COL5A2: variants seen among roughly 807,000 people sequenced by gnomAD.
The protein encoded by COL5A2 is collagen type V alpha 2 chain, also known as collagen alpha-2(V) chain.
In COL5A2, 23 loss-of-function variants were observed where a neutral mutation model predicts 208.2. The ratio of observed to expected loss-of-function variants is 0.11; its 90% CI spans 0.08 to 0.16. The LOEUF is 0.16. COL5A2 is among the 10% of genes least tolerant of loss of function. The pLI is 1.00. For synonymous variants in COL5A2, 625 were observed against 628.5 expected (o/e 0.99, Z 0.08); for missense variants, 1,590 against 1,956.4 (o/e 0.81, Z 3.53).
the COL5A2 span, among the ~76,000 whole-genome samples, chr2:189,438,364 T>C: frequency 1.3e-5 from 2 of 152,346 alleles, no homozygotes; most frequent in East Asian, 3.9e-4. Flanking sequence ...TTTGCTGGTA[T>C]TTATCCTAGA....
upstream of COL5A2, among the ~76,000 whole-genome samples, chr2:189,229,267 T>G (rs1689452614): frequency 6.6e-6 from 1 of 151,504 alleles, no homozygotes; most frequent in Admixed American, 6.6e-5. Flanking sequence ...TACCCACTCC[T>G]GCCACTTTTA....
At chr2:189,223,999 T>C (rs1363448574) in intron 1 of COL5A2, among the ~76,000 whole-genome samples, 2 of 152,012 alleles carry the variant, frequency 1.3e-5, no homozygotes, top group Non-Finnish European at 2.9e-5. Context: ...TTGTGATACC[T>C]CTAAGAAAAA....
At chr2:189,106,829 T>C (rs1486221224) in intron 2 of COL5A2, among the ~76,000 whole-genome samples, 1 of 151,474 alleles carries the variant, frequency 6.6e-6, no homozygotes, top group East Asian at 1.9e-4. Context: ...ACTTTAATTA[T>C]GAAAGAATTC....
chr2:189,249,500 A>G, the COL5A2 span, among the ~76,000 whole-genome samples: 1 of 152,256 alleles, frequency 6.6e-6, no homozygotes, highest in Admixed American at 6.5e-5. Flanking sequence ...ATTGAAGTAC[A>G]ATAAATTGTC....
the COL5A2 span, among the ~76,000 whole-genome samples, chr2:189,271,644 C>T: frequency 6.6e-6 from 1 of 152,194 alleles, no homozygotes; most frequent in South Asian, 2.1e-4. Flanking sequence ...GCGACAAAAG[C>T]CAAAGTTGAT....
At chr2:189,062,741 C>T in intron 29 of COL5A2, 124 bp downstream of exon 29, 1 of 1,061,364 alleles carries the variant, frequency 9.4e-7, no homozygotes, top group Non-Finnish European at 1.4e-6. Flanking sequence ...AGAAATTCTT[C>T]ATTCCCATAC....
At chr2:189,061,457 T>C in intron 30 of COL5A2, 105 bp downstream of exon 30, 9 of 899,222 alleles carry the variant, frequency 1.0e-5, no homozygotes, top group Admixed American at 2.0e-5. Context: ...GGATGACTTT[T>C]TGAAAATTGT....
At chr2:189,311,560 G>A in the COL5A2 span, 29 of 1,260,686 alleles carry the variant, frequency 2.3e-5, no homozygotes, top group African/African-American at 1.3e-4. Flanking sequence ...TCTGCTGGGC[G>A]TAGTGGGCCT....
the COL5A2 span, among the ~76,000 whole-genome samples, chr2:189,399,435 G>A: frequency 2.0e-5 from 3 of 151,910 alleles, no homozygotes; most frequent in South Asian, 4.2e-4. Flanking sequence ...ATTTTTAGTA[G>A]AGACAGGAGC....
At chr2:189,304,114 T>C in the COL5A2 span, among the ~76,000 whole-genome samples, 2 of 152,196 alleles carry the variant, frequency 1.3e-5, no homozygotes, top group African/African-American at 2.4e-5. Context: ...TTTTTTCCCA[T>C]TGCCTTTCTA....
chr2:189,348,096 T>C, the COL5A2 span, among the ~76,000 whole-genome samples: 2 of 152,180 alleles, frequency 1.3e-5, no homozygotes, highest in East Asian at 3.8e-4. Context: ...GGGAAATTTT[T>C]AGAGCAACCC....
chr2:189,276,303 A>C, the COL5A2 span, among the ~76,000 whole-genome samples: 1 of 152,284 alleles, frequency 6.6e-6, no homozygotes, highest in East Asian at 1.9e-4. Flanking sequence ...AGAGTTGAAG[A>C]TGATTGTGTT....
At chr2:189,422,424 T>C in the COL5A2 span, among the ~76,000 whole-genome samples, 36 of 152,082 alleles carry the variant, frequency 2.4e-4, no homozygotes, top group East Asian at 5.2e-3. Context: ...AACAGCAGAA[T>C]TGATCAAGCA....
At chr2:189,150,504 A>C (rs1419213294) in intron 1 of COL5A2, among the ~76,000 whole-genome samples, 1 of 152,170 alleles carries the variant, frequency 6.6e-6, no homozygotes, top group Non-Finnish European at 1.5e-5. Flanking sequence ...TTTTAAAAAA[A>C]TTCTCAAAAA....
the COL5A2 span, among the ~76,000 whole-genome samples, chr2:189,431,812 G>A: frequency 1.3e-5 from 2 of 152,078 alleles, no homozygotes; most frequent in Non-Finnish European, 2.9e-5. Context: ...ACCCAGCAAG[G>A]CAGGCCAACA....
At chr2:189,311,533 C>T in the COL5A2 span, 1 of 1,219,124 alleles carries the variant, frequency 8.2e-7, no homozygotes, top group South Asian at 1.3e-5. Context: ...GCAGCAGGAT[C>T]CTGTTGAGCT....
chr2:189,085,882 C>T, intron 9 of COL5A2, 110 bp from the exon 10 acceptor site: 1 of 875,964 alleles, frequency 1.1e-6, no homozygotes, highest in Non-Finnish European at 1.9e-6. Flanking sequence ...CTGCCATCTT[C>T]CAGCTGTGTG....
chr2:189,292,906 ATGG>A, the COL5A2 span, among the ~76,000 whole-genome samples: 25 of 152,320 alleles, frequency 1.6e-4, no homozygotes, highest in Admixed American at 1.6e-3. Flanking sequence ...CATATACACC[ATGG>A]AATACTATGC....
intron 1 of COL5A2, among the ~76,000 whole-genome samples, chr2:189,168,181 C>T (rs1424207258): frequency 2.6e-5 from 4 of 151,272 alleles, no homozygotes; most frequent in East Asian, 3.9e-4. Flanking sequence ...CTTCGTGATC[C>T]GCCCGTCTTG....
Sources: gnomAD v4.1 joint callset for allele counts (sites outside exome capture counted in the v4.1 genomes callset) on GRCh38, gnomAD v4.1.1 for gene constraint, MANE v1.5 for transcripts, NCBI Gene and HGNC (gene_info 2026-07-23, HGNC 2026-07-21) for gene names.